The following STK3 variants were observed in gnomAD, a reference collection of about 807,000 sequenced individuals.
STK3 encodes serine/threonine-protein kinase 3.
A neutral mutation model predicts 58.0 loss-of-function variants in STK3; 41 were observed. The ratio of observed to expected loss-of-function variants is 0.71; its 90% CI spans 0.55 to 0.92. The LOEUF (loss-of-function observed/expected upper bound fraction) is 0.92. Ranked by LOEUF, STK3 falls within the 40% of genes least tolerant of loss-of-function variation. The pLI, the probability that STK3 is intolerant of heterozygous loss-of-function variation, is 0.00. For synonymous variants in STK3, 170 were observed against 191.0 expected (o/e 0.89, Z 0.91); for missense variants, 479 against 602.7 (o/e 0.79, Z 2.15).
At chr8:98,639,566 CATA>C (rs1191834599) in intron 6 of STK3, among the ~76,000 whole-genome samples, 1 of 152,188 alleles carries the variant, frequency 6.6e-6, no homozygotes, top group Non-Finnish European at 1.5e-5. Context: ...CACAAGTTTT[CATA>C]ATGTTTAATA....
At chr8:98,836,128 G>C (rs897342428) in intron 3 of STK3, among the ~76,000 whole-genome samples, 2 of 152,034 alleles carry the variant, frequency 1.3e-5, no homozygotes, top group Non-Finnish European at 1.5e-5. Context: ...TTGAACCCAG[G>C]AGGCAGAGGT....
chr8:98,610,646 T>TA (rs1176928164), intron 6 of STK3, among the ~76,000 whole-genome samples: 1 of 152,160 alleles, frequency 6.6e-6, no homozygotes, highest in African/African-American at 2.4e-5. Flanking sequence ...GCAGGGAAGA[T>TA]GCCCGCATAG....
At chr8:98,774,503 C>T (rs1295741380) in intron 2 of STK3, among the ~76,000 whole-genome samples, 1 of 152,176 alleles carries the variant, frequency 6.6e-6, no homozygotes, top group Non-Finnish European at 1.5e-5. Context: ...CATCATTTCA[C>T]AGCACATTTC....
At chr8:98,654,028 C>A (rs1024608627) in intron 6 of STK3, among the ~76,000 whole-genome samples, 13 of 151,852 alleles carry the variant, frequency 8.6e-5, no homozygotes, top group African/African-American at 2.7e-4. Flanking sequence ...GAGACACAAC[C>A]AAAAAAGAGA....
rs530271065 is a variant in STK3 at position 98,940,967 on chromosome 8, G to A, written c.-79+1411C>T. ...TCTCCACAGGACCCCTACCGCACAC[G>A]CGACTCTTTCTCTGCAGCAAAGGGG... is the stretch of plus-strand genomic sequence containing the variant. On this transcript the variant is annotated intron_variant, in intron 1 of 1. Transcript: ENST00000519420. 1.5e-3 allele frequency among the ~76,000 whole-genome samples: 224 copies of A among 152,364 alleles called. 2 individuals carry two copies. Among genetic ancestry groups the A allele is most frequent in the Admixed American group, 3.4e-3 (52 of 15,314 alleles).
intron 3 of STK3, among the ~76,000 whole-genome samples, chr8:98,864,391 AAGGACATTATAGAAC>A (rs1348506508): frequency 2.6e-5 from 4 of 152,150 alleles, no homozygotes; most frequent in African/African-American, 9.7e-5. Flanking sequence ...CTAAGTCTCT[AAGGACATTATAGAAC>A]AGCTGTATGC....
At chr8:98,892,982 A>T (rs1171112468) in intron 1 of STK3, among the ~76,000 whole-genome samples, 1 of 152,220 alleles carries the variant, frequency 6.6e-6, no homozygotes, top group Non-Finnish European at 1.5e-5. Flanking sequence ...TTGGCTCTGG[A>T]AAACCAGGGG....
At chr8:98,369,661 A>C (rs1271122285), downstream of STK3, among the ~76,000 whole-genome samples, 1 of 152,202 alleles carries the variant, frequency 6.6e-6, no homozygotes, top group Non-Finnish European at 1.5e-5. Flanking sequence ...AGAAATCAGA[A>C]GGAATTCTAG....
At chr8:98,621,234 C>T (rs1222565168) in intron 6 of STK3, among the ~76,000 whole-genome samples, 1 of 152,240 alleles carries the variant, frequency 6.6e-6, no homozygotes, top group African/African-American at 2.4e-5. Context: ...GCCACCGCGC[C>T]CGGCCAACAA....
intron 6 of STK3, among the ~76,000 whole-genome samples, chr8:98,684,399 G>C (rs1250307679): frequency 6.6e-6 from 1 of 152,068 alleles, no homozygotes; most frequent in Non-Finnish European, 1.5e-5. Flanking sequence ...AACAAAATCA[G>C]GTGATGAAAA....
chr8:98,880,704 G>A (rs999947066), downstream of STK3: 2 of 152,082 alleles, frequency 1.3e-5, no homozygotes, highest in Non-Finnish European at 2.9e-5. Context: ...ATATACAGAC[G>A]GAAAATAAGC....
At chr8:98,666,602 A>C (rs1418335746) in intron 6 of STK3, among the ~76,000 whole-genome samples, 2 of 152,224 alleles carry the variant, frequency 1.3e-5, no homozygotes, top group East Asian at 3.8e-4. Flanking sequence ...AAATTTTCCC[A>C]TATAAATTTT....
downstream of STK3, among the ~76,000 whole-genome samples, chr8:98,454,464 G>A (rs1280059818): frequency 6.6e-6 from 1 of 152,180 alleles, no homozygotes; most frequent in Admixed American, 6.5e-5. Flanking sequence ...CTGCCAAACT[G>A]GGGTGGGCCT....
intron 3 of STK3, among the ~76,000 whole-genome samples, chr8:98,870,336 A>G (rs951474893): frequency 6.6e-6 from 1 of 152,250 alleles, no homozygotes; most frequent in African/African-American, 2.4e-5. Context: ...AGCATGATTT[A>G]TAATCCTTTG....
At chr8:98,617,911 T>C (rs1428144402) in intron 6 of STK3, among the ~76,000 whole-genome samples, 5 of 152,080 alleles carry the variant, frequency 3.3e-5, no homozygotes, top group Non-Finnish European at 7.4e-5. Context: ...CCATTCCTTC[T>C]GAAACTATTC....
intron 3 of STK3, among the ~76,000 whole-genome samples, chr8:98,858,355 G>GAC (rs1836786060): frequency 7.3e-6 from 1 of 137,636 alleles, no homozygotes; most frequent in African/African-American, 2.7e-5. Context: ...GAGAGAGAGA[G>GAC]AGAGACAGAG....
At chr8:98,587,560 A>G (rs1764875648) in intron 7 of STK3, among the ~76,000 whole-genome samples, 1 of 152,146 alleles carries the variant, frequency 6.6e-6, no homozygotes, top group Admixed American at 6.5e-5. Flanking sequence ...GGTGCTGAAA[A>G]AAATGTATAT....
At chr8:98,520,450 T>G (rs1246670321) in intron 10 of STK3, among the ~76,000 whole-genome samples, 3 of 152,150 alleles carry the variant, frequency 2.0e-5, no homozygotes, top group African/African-American at 7.2e-5. Flanking sequence ...GAATGCTTCC[T>G]ACCCTGCACA....
At chr8:98,852,129 T>G (rs928130861) in intron 3 of STK3, among the ~76,000 whole-genome samples, 9 of 151,920 alleles carry the variant, frequency 5.9e-5, no homozygotes, top group African/African-American at 2.2e-4. Context: ...CCTTTGGAGC[T>G]AAGCTAATTT....
Sources: allele counts gnomAD v4.1 joint callset (sites outside exome capture counted in the v4.1 genomes callset), GRCh38; gene constraint gnomAD v4.1.1; transcripts MANE v1.5; gene names NCBI Gene and HGNC (gene_info 2026-07-23, HGNC 2026-07-21).